Variants in DYNC2I1 observed in about 807,000 individuals in gnomAD.
DYNC2I1 encodes the protein dynein 2 intermediate chain 1.
In DYNC2I1, 89 loss-of-function variants were observed where a neutral mutation model predicts 133.4. The ratio of observed to expected loss-of-function variants is 0.67; its 90% CI spans 0.56 to 0.80. The LOEUF (loss-of-function observed/expected upper bound fraction) is 0.80. Ranked by LOEUF, DYNC2I1 falls within the 30% of genes least tolerant of loss-of-function variation. The probability of loss-of-function intolerance (pLI) is 0.00; values close to 1 mark genes in which losing one functional copy is unlikely to be tolerated. For missense variants in DYNC2I1, 1,291 were observed against 1,314.5 expected (o/e 0.98, Z 0.28); for synonymous variants, 504 against 484.3 (o/e 1.04, Z -0.54).
At position 158,941,999 on chromosome 7, in the gene DYNC2I1, C is replaced by T. The variant is rs1851421000; in HGVS notation, c.2853C>T (p.Ser951=). 2 of 1,613,498 alleles carry T rather than the reference C, an allele frequency of 1.2e-6. No individual in the cohort carries two copies. The highest frequency in any genetic ancestry group is 4.5e-5 in the East Asian group (2 of 44,880). ...SAFPLLQWDS[S]TDSHAVTGLQ... ...TTCCGCTCCTGCAGTGGGACAGCAGCACGGACAGCCATGCGGTCACCGGCC... is the reference window on the plus strand; with the variant it reads ...TTCCGCTCCTGCAGTGGGACAGCAGTACGGACAGCCATGCGGTCACCGGCC... Residue 951 remains serine (S), a synonymous_variant, in exon 24 of 25, where the codon AGC becomes AGT. Transcript: ENST00000407559.
In DYNC2I1 at chr7:158,945,990, A is replaced by C. The variant is rs1413901748; in HGVS notation, c.*211A>C. On this transcript the variant is annotated 3_prime_UTR_variant, in exon 25 of 25. Coordinates refer to ENST00000407559, the MANE Select transcript of DYNC2I1 (RefSeq NM_018051.5). The surrounding 1 kb of genome is among the most constrained non-coding windows in gnomAD (Gnocchi z 4.1). ...CAAAGAACATTCTAGCATTTACAAAACTTCCAGGGGAATGTAGAGCCACGT... is the reference window on the plus strand; with the variant it reads ...CAAAGAACATTCTAGCATTTACAAACCTTCCAGGGGAATGTAGAGCCACGT... The C allele has an allele frequency of 2.1e-6, 1 of 479,556 alleles. No individual in the cohort carries two copies. Among genetic ancestry groups the C allele is most frequent in the East Asian group, 3.8e-5 (1 of 26,412 alleles). The allele number at this position is 479,556 out of a possible 1,614,324, so 29.7% of individuals were successfully genotyped here. A position where few individuals can be genotyped will look rare whatever the true frequency, so the allele number is the denominator to read the frequency against.
downstream of DYNC2I1, among the ~76,000 whole-genome samples, chr7:158,950,830 T>C (rs6459915): frequency 0.11 from 2,648 of 24,458 alleles, 9 homozygotes; most frequent in Middle Eastern, 0.16. Context: ...AGCCTCTATA[T>C]GATTCCAGGT....
intron 8 of DYNC2I1, among the ~76,000 whole-genome samples, chr7:158,894,264 G>T (rs1011342681): frequency 6.6e-6 from 1 of 151,912 alleles, no homozygotes; most frequent in Admixed American, 6.6e-5. Flanking sequence ...ATATCATGGC[G>T]CATATCCTAC....
At chr7:158,861,820 T>C (rs979316978) in intron 1 of DYNC2I1, among the ~76,000 whole-genome samples, 2 of 152,214 alleles carry the variant, frequency 1.3e-5, no homozygotes, top group Non-Finnish European at 2.9e-5. Flanking sequence ...TGATGGAAAC[T>C]GATCATCCTA....
intron 8 of DYNC2I1, among the ~76,000 whole-genome samples, chr7:158,894,156 G>A (rs75523547): frequency 7.8e-4 from 4 of 5,152 alleles, no homozygotes; most frequent in Non-Finnish European, 1.7e-3. Context: ...ACCACATATC[G>A]TACATCATAA....
intron 14 of DYNC2I1, among the ~76,000 whole-genome samples, chr7:158,915,590 G>A (rs201815750): frequency 1.3e-5 from 1 of 74,718 alleles, no homozygotes; most frequent in African/African-American, 5.7e-5. Context: ...CGCTGGTTGA[G>A]ATTAAGGATG....
intron 1 of DYNC2I1, among the ~76,000 whole-genome samples, chr7:158,863,699 T>G (rs1584946182): frequency 2.4e-5 from 1 of 42,342 alleles, no homozygotes; most frequent in Non-Finnish European, 4.1e-5. Flanking sequence ...TAGCTCCTGG[T>G]GTGTGTGGGG....
intron 1 of DYNC2I1, among the ~76,000 whole-genome samples, chr7:158,861,065 C>T (rs892159580): frequency 2.0e-5 from 3 of 152,238 alleles, no homozygotes; most frequent in African/African-American, 7.2e-5. Flanking sequence ...CAACCCAGCT[C>T]AGTGTTGTCT....
chr7:158,839,334 T>G, the DYNC2I1 span, among the ~76,000 whole-genome samples: 1 of 146,066 alleles, frequency 6.8e-6, no homozygotes, highest in Non-Finnish European at 1.5e-5. Flanking sequence ...AACACCTGAC[T>G]GCAAAACCTA....
At chr7:158,869,708 AC>A (rs1842712339) in intron 1 of DYNC2I1, 146 bp from the exon 2 acceptor site, 1 of 617,946 alleles carries the variant, frequency 1.6e-6, no homozygotes, top group African/African-American at 1.8e-5. Flanking sequence ...TATTTCTGTT[AC>A]CTTTTATTCC....
chr7:158,914,688 A>C (rs1847829359), intron 14 of DYNC2I1, among the ~76,000 whole-genome samples: 1 of 152,210 alleles, frequency 6.6e-6, no homozygotes, highest in East Asian at 1.9e-4. Context: ...GCTGATTTAT[A>C]AACTGAAAAA....
intron 1 of DYNC2I1, among the ~76,000 whole-genome samples, chr7:158,865,104 CA>C (rs1341952308): frequency 6.6e-6 from 1 of 152,212 alleles, no homozygotes; most frequent in Non-Finnish European, 1.5e-5. Flanking sequence ...CAAGATGGCA[CA>C]GGGGTGGGGT....
At chr7:158,909,912 T>C (rs550085111) in intron 11 of DYNC2I1, among the ~76,000 whole-genome samples, 1 of 151,944 alleles carries the variant, frequency 6.6e-6, no homozygotes, top group African/African-American at 2.4e-5. Flanking sequence ...AGGCCTGTGC[T>C]CTAGGAAGCA....
intron 4 of DYNC2I1, among the ~76,000 whole-genome samples, chr7:158,877,254 G>A (rs1843445887): frequency 6.7e-6 from 1 of 150,280 alleles, no homozygotes; most frequent in African/African-American, 2.5e-5. Context: ...GGTGTTCCGC[G>A]GCGCGGGTGT....
intron 8 of DYNC2I1, among the ~76,000 whole-genome samples, chr7:158,892,731 A>C (rs1038349117): frequency 3.3e-5 from 5 of 152,074 alleles, no homozygotes; most frequent in Non-Finnish European, 5.9e-5. Context: ...GGATCACCCC[A>C]GGAGTTCGAG....
At chr7:158,872,217 G>A (rs1441184629) in intron 3 of DYNC2I1, among the ~76,000 whole-genome samples, 2 of 152,218 alleles carry the variant, frequency 1.3e-5, no homozygotes, top group Non-Finnish European at 2.9e-5. Context: ...TTGGTAGGCC[G>A]AGGTGGGAGG....
At position 158,941,915 on chromosome 7, in the gene DYNC2I1, C is replaced by T; in HGVS notation, c.2779-10C>T. ...CCATGCTCAGCAGTGTTCTTTCTTCCTGGTCATAGGCCGGCTGTTCGGACG... is the reference window on the plus strand; with the variant it reads ...CCATGCTCAGCAGTGTTCTTTCTTCTTGGTCATAGGCCGGCTGTTCGGACG... On this transcript the variant is annotated splice_polypyrimidine_tract_variant and intron_variant, in intron 23 of 24. Transcript: ENST00000407559. The T allele has an allele frequency of 6.3e-7, 1 of 1,588,568 alleles. No homozygotes were observed.
rs1205152799 is a variant in DYNC2I1 at position 158,889,955 on chromosome 7, G to A, written c.991-1310G>A. ...CGGGAGGTGGAGGTTGCAGTGAGCC[G>A]AGATCGTGTCACTGCACTCCAACCT... On this transcript the variant is annotated intron_variant, in intron 7 of 24. Transcript: ENST00000407559. Among the ~76,000 whole-genome samples the A allele has an allele frequency of 1.1e-4, 15 of 142,608 alleles. No individual in the cohort carries two copies. The South Asian group carries it at 3.1e-3, about 30-fold the overall frequency. 93.6% of individuals were successfully genotyped at this position (142,608 alleles called of 152,430 possible). A position where few individuals can be genotyped will look rare whatever the true frequency, so the allele number is the denominator to read the frequency against.
In DYNC2I1 at chr7:158,897,659, A is replaced by G. The variant is rs186323653; in HGVS notation, c.1060-4080A>G. On this transcript the variant is annotated intron_variant, in intron 8 of 24. Transcript: ENST00000407559. ...TTTTCCTTAGTTAGCTTGGCCTAGA[A>G]GTGTACTGATTTATTGGTATTTTCA... is the stretch of plus-strand genomic sequence containing the variant. 2.5e-3 allele frequency among the ~76,000 whole-genome samples: 386 copies of G among 152,236 alleles called. 1 individual carries two copies. The highest frequency in any genetic ancestry group is 8.8e-3 in the African/African-American group (366 of 41,550).
Sources: gnomAD v4.1 joint callset for allele counts (sites outside exome capture counted in the v4.1 genomes callset) on GRCh38, gnomAD v4.1.1 for gene constraint, Gnocchi (gnomAD v3.1) non-coding constraint, MANE v1.5 for transcripts, NCBI Gene and HGNC (gene_info 2026-07-23, HGNC 2026-07-21) for gene names.